OCM: variants seen among roughly 807,000 people sequenced by gnomAD.
The protein encoded by OCM is oncomodulin.
In OCM, 18 loss-of-function variants were observed where a neutral mutation model predicts 14.1. The ratio of observed to expected loss-of-function variants is 1.28; its 90% CI spans 0.88 to 1.89. OCM has a LOEUF of 1.89. OCM is among the 40% of genes most tolerant of loss of function. OCM has a pLI of 0.00. For synonymous variants in OCM, 48 were observed against 51.0 expected (o/e 0.94, Z 0.25); for missense variants, 140 against 137.6 (o/e 1.02, Z -0.09).
the OCM span, among the ~76,000 whole-genome samples, chr7:5,861,444 TTCTTGGGGA>T: frequency 6.6e-6 from 1 of 150,876 alleles, no homozygotes; most frequent in Non-Finnish European, 1.5e-5. Flanking sequence ...AGAATCCCAG[TTCTTGGGGA>T]GGAAGTTGGA....
intron 2 of OCM, among the ~76,000 whole-genome samples, chr7:5,883,588 G>A (rs1287610406): frequency 2.0e-5 from 3 of 151,892 alleles, no homozygotes; most frequent in African/African-American, 7.3e-5. Context: ...TCAGGAGGTT[G>A]AGGCAGGAGG....
chr7:5,865,060 C>T, the OCM span, among the ~76,000 whole-genome samples: 6 of 152,292 alleles, frequency 3.9e-5, no homozygotes, highest in East Asian at 5.8e-4. Flanking sequence ...TTGATACCAT[C>T]GGATATGACC....
the OCM span, among the ~76,000 whole-genome samples, chr7:5,861,771 G>A: frequency 2.0e-5 from 3 of 151,874 alleles, no homozygotes; most frequent in Admixed American, 1.3e-4. Flanking sequence ...TAGAGACAGG[G>A]TCTCACTATG....
At position 5,884,012 on chromosome 7, in the gene OCM, G is replaced by T. The variant is rs535646385; in HGVS notation, c.304+13G>T. ...ATTGGAGCAGAGGGTATGTCCACAC[G>T]TGTACGTAGCATAAAACACTCTAGC... On this transcript the variant is annotated intron_variant, in intron 3 of 3. Coordinates refer to ENST00000242104, the MANE Select transcript of OCM (RefSeq NM_001097622.2). 2 of 1,611,074 alleles carry T rather than the reference G, an allele frequency of 1.2e-6. No homozygotes were observed. Among genetic ancestry groups the T allele is most frequent in the South Asian group, 1.1e-5 (1 of 90,642 alleles).
the OCM span, among the ~76,000 whole-genome samples, chr7:5,860,861 C>CAT: frequency 3.4e-4 from 50 of 147,172 alleles, no homozygotes; most frequent in African/African-American, 1.1e-3. Context: ...TATACATATA[C>CAT]ATATATATAT....
At chr7:5,863,783 C>G in the OCM span, among the ~76,000 whole-genome samples, 3 of 152,036 alleles carry the variant, frequency 2.0e-5, no homozygotes, top group African/African-American at 7.2e-5. Context: ...CTGCCTGACT[C>G]GGCGTCGCAA....
chr7:5,869,910 C>T, the OCM span, among the ~76,000 whole-genome samples: 4 of 152,126 alleles, frequency 2.6e-5, no homozygotes, highest in African/African-American at 4.8e-5. Flanking sequence ...CAGAGGCCCA[C>T]GCGCCACGTG....
the OCM span, among the ~76,000 whole-genome samples, chr7:5,872,608 A>G: frequency 6.6e-6 from 1 of 152,194 alleles, no homozygotes; most frequent in African/African-American, 2.4e-5. Flanking sequence ...GAATGTGCCA[A>G]TGAAAGACCG....
In OCM at chr7:5,880,928, A is replaced by G; in HGVS notation, c.39A>G (p.Ala13=). 1 of 1,613,908 alleles carries G rather than the reference A, an allele frequency of 6.2e-7. No individual in the cohort carries two copies. The highest frequency in any genetic ancestry group is 8.5e-7 in the Non-Finnish European group (1 of 1,179,880). The change falls in exon 1 of 4, where the codon GCA becomes GCG. Residue 13 remains alanine, a synonymous_variant. Coordinates refer to ENST00000242104, the MANE Select transcript of OCM (RefSeq NM_001097622.2). ...ITDVLSADDI[A]AALQECRDPD... ...ACGTGCTCAGTGCTGACGACATTGC[A>G]GCAGCGCTCCAGGAATGCCGAGGTA... is the stretch of plus-strand genomic sequence containing the variant.
upstream of OCM, among the ~76,000 whole-genome samples, chr7:5,878,480 C>T (rs1478847550): frequency 6.6e-6 from 1 of 151,492 alleles, no homozygotes; most frequent in African/African-American, 2.4e-5. Context: ...GGCGCGGTGG[C>T]TCACGCCTGT....
chr7:5,869,064 AAAAC>A, the OCM span, among the ~76,000 whole-genome samples: 32 of 151,922 alleles, frequency 2.1e-4, no homozygotes, highest in Admixed American at 1.8e-3. Context: ...CTCTGTCTCA[AAAAC>A]AAACAAAACA....
intron 2 of OCM, 62 bp downstream of exon 2, chr7:5,882,687 G>A (rs1376844716): frequency 4.4e-6 from 7 of 1,587,188 alleles, no homozygotes; most frequent in Non-Finnish European, 4.3e-6. Context: ...GGGTGCAGTG[G>A]GGGCCAGGTT....
the OCM span, among the ~76,000 whole-genome samples, chr7:5,864,793 C>A: frequency 6.6e-6 from 1 of 152,056 alleles, no homozygotes; most frequent in Non-Finnish European, 1.5e-5. Flanking sequence ...ACAAAATTAG[C>A]CGGGCGTGGT....
the OCM span, among the ~76,000 whole-genome samples, chr7:5,866,631 T>C: frequency 4.6e-5 from 7 of 152,182 alleles, no homozygotes; most frequent in Admixed American, 4.6e-4. Context: ...ATCTGACCTG[T>C]GTACTGAGAA....
At chr7:5,869,424 C>T in the OCM span, among the ~76,000 whole-genome samples, 1 of 151,896 alleles carries the variant, frequency 6.6e-6, no homozygotes, top group East Asian at 1.9e-4. Flanking sequence ...ATGGTGAAAC[C>T]CTGTCTCTAC....
upstream of OCM, chr7:5,880,007 C>T (rs1276484881): frequency 6.6e-6 from 1 of 152,196 alleles, no homozygotes; most frequent in African/African-American, 2.4e-5. Flanking sequence ...TTCTTCACTG[C>T]ATGCATTCAT....
chr7:5,861,310 A>G, the OCM span, among the ~76,000 whole-genome samples: 1 of 152,178 alleles, frequency 6.6e-6, no homozygotes, highest in Middle Eastern at 3.4e-3. Context: ...AATCCCAGCT[A>G]CTTGGGAGGC....
upstream of OCM, among the ~76,000 whole-genome samples, chr7:5,875,593 C>T (rs1224120166): frequency 1.3e-5 from 2 of 152,110 alleles, no homozygotes; most frequent in African/African-American, 4.8e-5. Flanking sequence ...TAGGCATGAG[C>T]CACCACTCCT....
At chr7:5,867,648 C>G in the OCM span, among the ~76,000 whole-genome samples, 1 of 151,918 alleles carries the variant, frequency 6.6e-6, no homozygotes, top group African/African-American at 2.4e-5. Context: ...TGAAGTTGTC[C>G]AGTAGCTCAC....
Sources: gnomAD v4.1 joint callset for allele counts (sites outside exome capture counted in the v4.1 genomes callset) on GRCh38, gnomAD v4.1.1 for gene constraint, MANE v1.5 for transcripts, NCBI Gene and HGNC (gene_info 2026-07-23, HGNC 2026-07-21) for gene names.